Variants in LRRC1 observed in about 807,000 individuals in gnomAD.
LRRC1 encodes the protein leucine-rich repeat-containing protein 1.
LRRC1 carries 28 observed loss-of-function variants against 69.9 expected under a neutral mutation model. The observed-to-expected ratio is 0.40, with a 90% CI of 0.30 to 0.55. LRRC1 has a LOEUF of 0.55. Ranked by LOEUF, LRRC1 falls within the 20% of genes least tolerant of loss-of-function variation. LRRC1 has a pLI of 0.47. For missense variants in LRRC1, 498 were observed against 609.0 expected, an observed-to-expected ratio of 0.82 and a Z score of 1.92; for synonymous variants, 236 against 240.2, an observed-to-expected ratio of 0.98 and a Z score of 0.16.
intron 1 of LRRC1, among the ~76,000 whole-genome samples, chr6:53,820,531 T>C (rs969289255): frequency 6.6e-6 from 1 of 151,080 alleles, no homozygotes; most frequent in African/African-American, 2.4e-5. Context: ...CATCAGGTCA[T>C]GAGCCCACTA....
intron 1 of LRRC1, among the ~76,000 whole-genome samples, chr6:53,801,502 C>T (rs1434504194): frequency 6.6e-6 from 1 of 152,042 alleles, no homozygotes; most frequent in Non-Finnish European, 1.5e-5. Flanking sequence ...GGAATATTTC[C>T]CCTTTATAGT....
intron 1 of LRRC1, among the ~76,000 whole-genome samples, chr6:53,837,671 C>T (rs187973724): frequency 2.7e-3 from 404 of 152,192 alleles, no homozygotes; most frequent in Admixed American, 0.012. Context: ...ATTGACTGAT[C>T]CTTGGCCATA....
At chr6:53,880,286 G>C (rs1237336914) in intron 3 of LRRC1, among the ~76,000 whole-genome samples, 2 of 151,982 alleles carry the variant, frequency 1.3e-5, no homozygotes, top group Non-Finnish European at 2.9e-5. Context: ...TAGTAATCTA[G>C]TAAGCTATAC....
intron 2 of LRRC1, among the ~76,000 whole-genome samples, chr6:53,847,554 AT>A (rs1332966561): frequency 6.6e-6 from 1 of 152,252 alleles, no homozygotes; most frequent in Non-Finnish European, 1.5e-5. Flanking sequence ...TAAAGGTAAG[AT>A]AGTTTTAGTA....
chr6:53,881,168 A>G (rs1767278543), intron 3 of LRRC1, among the ~76,000 whole-genome samples: 1 of 152,222 alleles, frequency 6.6e-6, no homozygotes, highest in African/African-American at 2.4e-5. Context: ...AATTAAGATG[A>G]CATCTGTGAG....
intron 1 of LRRC1, among the ~76,000 whole-genome samples, chr6:53,811,044 T>C (rs1562025437): frequency 6.6e-6 from 1 of 152,216 alleles, no homozygotes; most frequent in African/African-American, 2.4e-5. Flanking sequence ...CATTGGGAAA[T>C]TCAGTGCGTT....
intron 2 of LRRC1, among the ~76,000 whole-genome samples, chr6:53,846,605 CA>C (rs1452438851): frequency 6.6e-6 from 1 of 151,884 alleles, no homozygotes; most frequent in Admixed American, 6.6e-5. Flanking sequence ...TTAAAACAGG[CA>C]AATGTCTAAA....
chr6:53,923,510 G>A lies in LRRC1; in HGVS notation c.*717G>A, dbSNP rs758286868. ...TGCATTTTAATCAGTAATCTACCTG[G>A]TGGATTTGTTTTTAACCAAAAAGAT... On this transcript the variant is annotated 3_prime_UTR_variant, in exon 14 of 14. Coordinates refer to ENST00000370888, the MANE Select transcript of LRRC1 (RefSeq NM_018214.5). 5 of 152,588 alleles carry A rather than the reference G, an allele frequency of 3.3e-5. No homozygotes were observed. Among genetic ancestry groups the A allele is most frequent in the Non-Finnish European group, 5.9e-5 (4 of 68,040 alleles). The allele number at this position is 152,588 out of a possible 1,614,324, so 9.5% of individuals were successfully genotyped here. A position where few individuals can be genotyped will look rare whatever the true frequency, so the allele number is the denominator to read the frequency against.
chr6:53,903,640 A>G (rs957006668), intron 9 of LRRC1, among the ~76,000 whole-genome samples: 5 of 151,914 alleles, frequency 3.3e-5, no homozygotes, highest in African/African-American at 1.2e-4. Flanking sequence ...TTAGGTGGAA[A>G]GAGCAGAAGG....
In LRRC1 at chr6:53,799,405, A is replaced by G. The variant is rs533096325; in HGVS notation, c.159+3990A>G. Among the ~76,000 whole-genome samples, 36 of 152,356 alleles carry G rather than the reference A, an allele frequency of 2.4e-4. No individual in the cohort carries two copies. The East Asian group carries it at 6.7e-3, about 29-fold the overall frequency. ...TATTTAGTACATAGTGGGCACAAAG[A>G]TGTGTCAGTGAGTCCTAACATGGGT... On this transcript the variant is annotated intron_variant, in intron 1 of 13. Transcript: ENST00000370888.
chr6:53,801,007 C>T (rs1333419220), intron 1 of LRRC1, among the ~76,000 whole-genome samples: 1 of 152,188 alleles, frequency 6.6e-6, no homozygotes, highest in Non-Finnish European at 1.5e-5. Flanking sequence ...TGAGCAGTGC[C>T]AGAAGACTTT....
At chr6:53,897,444 G>A (rs1767913111) in intron 7 of LRRC1, 85 bp downstream of exon 7, 1 of 980,922 alleles carries the variant, frequency 1.0e-6, no homozygotes, top group Non-Finnish European at 1.5e-6. Context: ...CATAAGGTTT[G>A]CTATAAAAGG....
intron 1 of LRRC1, among the ~76,000 whole-genome samples, chr6:53,829,983 A>G (rs1765381827): frequency 6.6e-6 from 1 of 152,226 alleles, no homozygotes; most frequent in Admixed American, 6.5e-5. Flanking sequence ...GATGTGCTGA[A>G]CAAGGTACTC....
intron 1 of LRRC1, among the ~76,000 whole-genome samples, chr6:53,813,443 C>T (rs1764855456): frequency 6.6e-6 from 1 of 151,636 alleles, no homozygotes; most frequent in African/African-American, 2.4e-5. Context: ...CCTGTGCAAA[C>T]CAGAGAGTGC....
Position 53,896,902 on chromosome 6 carries a change from T to C in LRRC1, c.567+10T>C, listed in dbSNP as rs761615751. ...TGAAATATATAATTTGGTAAGTCCG[T>C]ATTAGAGATTTGAATTTAACTTTGT... On this transcript the variant is annotated intron_variant, in intron 6 of 13. Transcript: ENST00000370888. The C allele has an allele frequency of 1.2e-5, 19 of 1,528,998 alleles. No individual in the cohort carries two copies. In the Admixed American group the frequency reaches 3.2e-4, roughly 26 times the overall value. 94.7% of individuals were successfully genotyped at this position (1,528,998 alleles called of 1,614,324 possible).
chr6:53,896,175 C>T (rs932202122), intron 4 of LRRC1, among the ~76,000 whole-genome samples: 1 of 152,170 alleles, frequency 6.6e-6, no homozygotes, highest in Non-Finnish European at 1.5e-5. Context: ...CTGTCTCAGT[C>T]CTGAGAGTGG....
At chr6:53,832,309 G>C (rs1765449945) in intron 1 of LRRC1, among the ~76,000 whole-genome samples, 1 of 151,988 alleles carries the variant, frequency 6.6e-6, no homozygotes, top group Admixed American at 6.6e-5. Context: ...GTCATTTCCT[G>C]GATGTCCTTT....
Position 53,809,394 on chromosome 6 carries a change from T to C in LRRC1, c.159+13979T>C, listed in dbSNP as rs1764726593. Among the ~76,000 whole-genome samples, 5 of 152,198 alleles carry C rather than the reference T, an allele frequency of 3.3e-5. No homozygotes were observed. The South Asian group carries it at 1.0e-3, about 31-fold the overall frequency. Reference sequence around the variant, plus strand: ...GATTTTTGATAACTTCATTGCAAAATGGCAGGAGGAGGAAGGGGGCAGTGT... The same window carrying C: ...GATTTTTGATAACTTCATTGCAAAACGGCAGGAGGAGGAAGGGGGCAGTGT... On this transcript the variant is annotated intron_variant, in intron 1 of 13. Coordinates refer to ENST00000370888, the MANE Select transcript of LRRC1 (RefSeq NM_018214.5).
intron 1 of LRRC1, among the ~76,000 whole-genome samples, chr6:53,836,202 T>C (rs1471331279): frequency 3.9e-5 from 6 of 152,196 alleles, no homozygotes; most frequent in Admixed American, 3.9e-4. Context: ...TTCCAGCCCT[T>C]CTGACACTAG....
Sources: allele counts gnomAD v4.1 joint callset (sites outside exome capture counted in the v4.1 genomes callset), GRCh38; gene constraint gnomAD v4.1.1; transcripts MANE v1.5; gene names NCBI Gene and HGNC (gene_info 2026-07-23, HGNC 2026-07-21).